GHR: variants seen among roughly 807,000 people sequenced by gnomAD.
GHR encodes the protein growth hormone receptor.
In GHR, 35 loss-of-function variants were observed where a neutral mutation model predicts 67.1. The ratio of observed to expected loss-of-function variants is 0.52; its 90% CI spans 0.40 to 0.69. The LOEUF is 0.69. GHR is among the 30% of genes least tolerant of loss of function. The pLI, the probability that GHR is intolerant of heterozygous loss-of-function variation, is 0.00. For synonymous variants in GHR, 272 were observed against 269.1 expected (o/e 1.01, Z -0.10); for missense variants, 792 against 764.6 (o/e 1.04, Z -0.42).
rs35408817 is a variant in GHR at position 42,650,578 on chromosome 5, C to CATATATATATATATATAT, written c.136+21482_136+21499dup. Among the ~76,000 whole-genome samples, 562 of 128,570 alleles carry CATATATATATATATATAT rather than the reference C, an allele frequency of 4.4e-3. 1 individual carries two copies. The highest frequency in any genetic ancestry group is 5.3e-3 in the Non-Finnish European group (326 of 61,446). 84.3% of individuals were successfully genotyped at this position (128,570 alleles called of 152,430 possible). ...CCAATGTACTCACTTTTACAGATAA[C>CATATATATATATATATAT]ATATATATATATATATATATATATG... is the stretch of plus-strand genomic sequence containing the variant. On this transcript the variant is annotated intron_variant, in intron 3 of 9. Coordinates refer to ENST00000230882, the MANE Select transcript of GHR (RefSeq NM_000163.5).
chr5:42,565,982 G>C lies in GHR; in HGVS notation c.70+38G>C, dbSNP rs774446969. The C allele has an allele frequency of 1.5e-5, 24 of 1,609,456 alleles. 2 individuals carry two copies. In the South Asian group the frequency reaches 2.3e-4, roughly 15 times the overall value. ...TTTCCATTTCCACCCTCAGTGTTTTGAAACAACACTGAACTGTATTCGCTA... is the reference window on the plus strand; with the variant it reads ...TTTCCATTTCCACCCTCAGTGTTTTCAAACAACACTGAACTGTATTCGCTA... On this transcript the variant is annotated intron_variant, in intron 2 of 9. Transcript: ENST00000230882.
Position 42,591,396 on chromosome 5 carries a change from G to A in GHR, c.70+25452G>A, listed in dbSNP as rs559408636. 3.9e-5 allele frequency among the ~76,000 whole-genome samples: 6 copies of A among 152,304 alleles called. No individual in the cohort carries two copies. In the East Asian group the frequency reaches 7.7e-4, roughly 20 times the overall value. On this transcript the variant is annotated intron_variant, in intron 2 of 9. Transcript: ENST00000230882. Reference sequence around the variant, plus strand: ...TGATTTTCTCTTTCAGAACAAGTGGGTAGGATCTTTGGTTTTTAAACTGTT... The same window carrying A: ...TGATTTTCTCTTTCAGAACAAGTGGATAGGATCTTTGGTTTTTAAACTGTT...
intron 2 of GHR, among the ~76,000 whole-genome samples, chr5:42,599,848 C>G (rs1752277598): frequency 6.6e-6 from 1 of 152,136 alleles, no homozygotes; most frequent in African/African-American, 2.4e-5. Context: ...TAGCTGCTGC[C>G]CCTTTTAGAT....
chr5:42,716,757 T>A (rs1294158697), intron 8 of GHR, among the ~76,000 whole-genome samples: 1 of 152,186 alleles, frequency 6.6e-6, no homozygotes, highest in Non-Finnish European at 1.5e-5. Context: ...CTTAATGCAA[T>A]TTATAAAATG....
chr5:42,638,915 G>T (rs1754333515), intron 3 of GHR, among the ~76,000 whole-genome samples: 3 of 152,154 alleles, frequency 2.0e-5, no homozygotes, highest in African/African-American at 7.2e-5. Context: ...GAGGCTTGAA[G>T]AGGTATTATG....
At chr5:42,663,319 G>C (rs1196859339) in intron 3 of GHR, among the ~76,000 whole-genome samples, 1 of 152,176 alleles carries the variant, frequency 6.6e-6, no homozygotes, top group Non-Finnish European at 1.5e-5. Flanking sequence ...CAATATCCTT[G>C]ATGAACATTG....
chr5:42,613,748 CTAAT>C (rs1753000155), intron 2 of GHR, among the ~76,000 whole-genome samples: 1 of 151,958 alleles, frequency 6.6e-6, no homozygotes, highest in African/African-American at 2.4e-5. Context: ...TTTTTCTTCT[CTAAT>C]TAATCTCCAC....
At chr5:42,700,086 A>G in intron 6 of GHR, 84 bp downstream of exon 6, 2 of 791,944 alleles carry the variant, frequency 2.5e-6, no homozygotes, top group Non-Finnish European at 4.4e-6. Flanking sequence ...CTTTCCTTTG[A>G]CCTAATACCA....
intron 1 of GHR, among the ~76,000 whole-genome samples, chr5:42,488,414 G>A (rs1745973297): frequency 6.6e-6 from 1 of 152,164 alleles, no homozygotes; most frequent in Admixed American, 6.5e-5. Flanking sequence ...CCTTTTAACT[G>A]CTATGCTATG....
intron 1 of GHR, chr5:42,465,666 G>C (rs528794809): frequency 3.5e-6 from 3 of 863,598 alleles, no homozygotes; most frequent in Middle Eastern, 3.3e-4. Flanking sequence ...CTACCTCCAC[G>C]TTACAGGTCC....
At chr5:42,651,536 T>C (rs1402630162) in intron 3 of GHR, among the ~76,000 whole-genome samples, 1 of 152,138 alleles carries the variant, frequency 6.6e-6, no homozygotes, top group Non-Finnish European at 1.5e-5. Flanking sequence ...CAATGAGAAA[T>C]GGGAGAGGAC....
At chr5:42,593,626 G>A (rs1751913996) in intron 2 of GHR, among the ~76,000 whole-genome samples, 1 of 152,194 alleles carries the variant, frequency 6.6e-6, no homozygotes, top group South Asian at 2.1e-4. Flanking sequence ...TCTGAAGGCA[G>A]TGCACTGGAA....
chr5:42,578,074 G>C (rs1370267516), intron 2 of GHR, among the ~76,000 whole-genome samples: 4 of 152,106 alleles, frequency 2.6e-5, no homozygotes, highest in Admixed American at 2.6e-4. Flanking sequence ...TGAGATTTTA[G>C]GTTAATTTAT....
In GHR at chr5:42,718,496, A is replaced by G; in HGVS notation, c.989A>G (p.Asp330Gly). ...GTGAACACAATCTTAGCCATTCATG[A>G]TAGCTATAAACCCGAATTCCACAGT... ...EEVNTILAIH[D>G]SYKPEFHSDD... Residue 330 changes from aspartate (D) to glycine (G), a missense_variant, in exon 10 of 10, where the codon GAT becomes GGT. Coordinates refer to ENST00000230882, the MANE Select transcript of GHR (RefSeq NM_000163.5). 1 of 1,612,340 alleles carries G rather than the reference A, an allele frequency of 6.2e-7. No individual in the cohort carries two copies. Among genetic ancestry groups the G allele is most frequent in the South Asian group, 1.1e-5 (1 of 91,052 alleles).
intron 2 of GHR, among the ~76,000 whole-genome samples, chr5:42,607,148 C>A (rs1752668185): frequency 6.6e-6 from 1 of 152,206 alleles, no homozygotes; most frequent in South Asian, 2.1e-4. Flanking sequence ...TTCCCCTTCA[C>A]CTTCCACCAT....
At chr5:42,597,336 C>A (rs1752124277) in intron 2 of GHR, among the ~76,000 whole-genome samples, 1 of 152,072 alleles carries the variant, frequency 6.6e-6, no homozygotes, top group Non-Finnish European at 1.5e-5. Context: ...AGTGTTTTAT[C>A]ACATTTGTTT....
At chr5:42,619,178 C>T (rs1167971183) in intron 2 of GHR, among the ~76,000 whole-genome samples, 2 of 152,052 alleles carry the variant, frequency 1.3e-5, no homozygotes, top group Non-Finnish European at 2.9e-5. Flanking sequence ...TTCCAGCTCA[C>T]TGGGGTCTAT....
intron 1 of GHR, among the ~76,000 whole-genome samples, chr5:42,463,633 C>T (rs371303936): frequency 2.0e-5 from 3 of 152,120 alleles, no homozygotes; most frequent in African/African-American, 7.2e-5. Flanking sequence ...CTTTGAAGGC[C>T]TTTTAATCTT....
At chr5:42,427,916 C>T (rs1270683131) in intron 1 of GHR, among the ~76,000 whole-genome samples, 1 of 152,164 alleles carries the variant, frequency 6.6e-6, no homozygotes, top group Non-Finnish European at 1.5e-5. Flanking sequence ...CACATCCAGG[C>T]TGTTTTCATG....
Sources: allele counts gnomAD v4.1 joint callset (sites outside exome capture counted in the v4.1 genomes callset), GRCh38; gene constraint gnomAD v4.1.1; transcripts MANE v1.5; gene names NCBI Gene and HGNC (gene_info 2026-07-23, HGNC 2026-07-21).